Variants in STPG2 observed in about 807,000 individuals in gnomAD.
The protein encoded by STPG2 is sperm tail PG-rich repeat containing 2.
Under a neutral mutation model 54.2 loss-of-function variants are expected in STPG2, and 56 were observed. That is an observed-to-expected ratio of 1.03 (90% confidence interval 0.83 to 1.29). STPG2 has a LOEUF of 1.29. STPG2 is among the 50% of genes most tolerant of loss of function. The pLI, the probability that STPG2 is intolerant of heterozygous loss-of-function variation, is 0.00. For missense variants in STPG2, 596 were observed against 544.9 expected, an observed-to-expected ratio of 1.09 and a Z score of -0.93; for synonymous variants, 200 against 181.8, an observed-to-expected ratio of 1.10 and a Z score of -0.81.
At position 97,644,071 on chromosome 4, in the gene STPG2, G is replaced by A. The variant is rs188432099; in HGVS notation, c.1320+68628C>T. Among the ~76,000 whole-genome samples the A allele has an allele frequency of 3.3e-3, 504 of 152,004 alleles. 3 individuals carry two copies. The highest frequency in any genetic ancestry group is 0.011 in the African/African-American group (475 of 41,524). The stretch of plus-strand genomic sequence containing the variant: ...ACCTGCCACCTGTCCAGTGACTTAA[G>A]AGAATGAAATTTAAAGAGGGGGTGA... On this transcript the variant is annotated intron_variant, in intron 10 of 10. Coordinates refer to ENST00000295268, the MANE Select transcript of STPG2 (RefSeq NM_174952.3).
intron 5 of STPG2, among the ~76,000 whole-genome samples, chr4:98,056,171 C>CA (rs1230315820): frequency 3.3e-5 from 5 of 152,134 alleles, no homozygotes; most frequent in Non-Finnish European, 4.4e-5. Context: ...CAACAAGCCC[C>CA]ACCACCACCA....
Position 97,606,978 on chromosome 4 carries a change from T to C in STPG2, c.1321-47861A>G, listed in dbSNP as rs140449119. ...GAACTACAGTTATCTCCATTCTACA[T>C]GATAAAAGAATAGGAATAAAACTAA... is the stretch of plus-strand genomic sequence containing the variant. On this transcript the variant is annotated intron_variant, in intron 10 of 10. Transcript: ENST00000295268. Among the ~76,000 whole-genome samples the C allele has an allele frequency of 2.0e-4, 30 of 152,104 alleles. 1 individual carries two copies. In the East Asian group the frequency reaches 4.4e-3, roughly 23 times the overall value.
chr4:97,541,843 C>A (rs1471491993), intron 4 of STPG2, among the ~76,000 whole-genome samples: 2 of 152,088 alleles, frequency 1.3e-5, no homozygotes, highest in African/African-American at 4.8e-5. Flanking sequence ...TGATCTTTGA[C>A]AAATCTGACA....
At chr4:97,742,494 G>C (rs1725278394) in intron 9 of STPG2, among the ~76,000 whole-genome samples, 1 of 148,898 alleles carries the variant, frequency 6.7e-6, no homozygotes. Flanking sequence ...CAACCTAATT[G>C]TCCATCAATG....
chr4:97,959,411 A>G (rs948427507), intron 7 of STPG2, among the ~76,000 whole-genome samples: 2 of 152,070 alleles, frequency 1.3e-5, no homozygotes, highest in Non-Finnish European at 2.9e-5. Flanking sequence ...CAAAAGATAA[A>G]TGAAACAAAA....
In STPG2 at chr4:97,882,184, G is replaced by A. The variant is rs749598748; in HGVS notation, c.1045-41252C>T. Among the ~76,000 whole-genome samples the A allele has an allele frequency of 7.2e-5, 11 of 152,232 alleles. 1 individual carries two copies. Among genetic ancestry groups the A allele is most frequent in the Middle Eastern group, 6.8e-3 (2 of 294 alleles). On this transcript the variant is annotated intron_variant, in intron 8 of 10. Transcript: ENST00000295268. ...AGCTAGTGTAAGAATATGGAATGCC[G>A]GGGAACTGAAGATACAAAGAGAATT...
intron 3 of STPG2, among the ~76,000 whole-genome samples, chr4:98,115,805 C>T (rs1002354661): frequency 6.6e-6 from 1 of 151,902 alleles, no homozygotes; most frequent in African/African-American, 2.4e-5. Context: ...GCAGGAGAAA[C>T]AGAAGAAAAT....
At chr4:98,016,288 T>C (rs1229000343) in intron 5 of STPG2, among the ~76,000 whole-genome samples, 7 of 152,216 alleles carry the variant, frequency 4.6e-5, no homozygotes, top group African/African-American at 1.7e-4. Flanking sequence ...TTGAGCTTCA[T>C]GGATCTGGAT....
At chr4:97,861,244 T>C (rs564303533) in intron 8 of STPG2, among the ~76,000 whole-genome samples, 14 of 152,258 alleles carry the variant, frequency 9.2e-5, no homozygotes, top group African/African-American at 2.9e-4. Flanking sequence ...GAAAAAATGC[T>C]CAATATCACT....
intron 9 of STPG2, among the ~76,000 whole-genome samples, chr4:97,815,462 G>A (rs905030054): frequency 6.6e-5 from 10 of 151,994 alleles, no homozygotes; most frequent in Non-Finnish European, 1.5e-4. Context: ...TCAGCTTTCC[G>A]AATATTTTTC....
chr4:97,635,939 G>A (rs1176274720), intron 10 of STPG2, among the ~76,000 whole-genome samples: 1 of 150,102 alleles, frequency 6.7e-6, no homozygotes, highest in Non-Finnish European at 1.5e-5. Context: ...CAACGAGACA[G>A]AAAGTCAACA....
At chr4:97,970,852 C>T (rs1056309713) in intron 7 of STPG2, among the ~76,000 whole-genome samples, 1 of 152,190 alleles carries the variant, frequency 6.6e-6, no homozygotes, top group Non-Finnish European at 1.5e-5. Context: ...GCAAAAGAAA[C>T]TATCATCAGA....
intron 5 of STPG2, among the ~76,000 whole-genome samples, chr4:98,087,675 C>A (rs1738564477): frequency 6.6e-6 from 1 of 151,788 alleles, no homozygotes; most frequent in Admixed American, 6.6e-5. Flanking sequence ...ATTCTCCCGC[C>A]TCTGCCTCCC....
intron 10 of STPG2, among the ~76,000 whole-genome samples, chr4:97,690,463 G>C (rs1723329727): frequency 6.6e-6 from 1 of 151,778 alleles, no homozygotes; most frequent in Non-Finnish European, 1.5e-5. Context: ...CCAAGAGTAG[G>C]CAATAGGTCC....
At chr4:97,797,199 C>T (rs929188115) in intron 9 of STPG2, among the ~76,000 whole-genome samples, 4 of 152,192 alleles carry the variant, frequency 2.6e-5, no homozygotes. Context: ...TGCCTGATTG[C>T]CCTGGCCAGA....
At chr4:97,668,454 GAC>G (rs1252816751) in intron 10 of STPG2, among the ~76,000 whole-genome samples, 1 of 152,142 alleles carries the variant, frequency 6.6e-6, no homozygotes, top group Non-Finnish European at 1.5e-5. Context: ...AGATAACTGT[GAC>G]TGTCAGATGG....
At chr4:98,028,935 C>T (rs1578795961) in intron 5 of STPG2, among the ~76,000 whole-genome samples, 1 of 152,098 alleles carries the variant, frequency 6.6e-6, no homozygotes, top group Admixed American at 6.6e-5. Context: ...ATAATTTCCT[C>T]TTTCACCTAT....
At chr4:98,015,650 A>G (rs1407272900) in intron 5 of STPG2, among the ~76,000 whole-genome samples, 2 of 152,296 alleles carry the variant, frequency 1.3e-5, no homozygotes, top group African/African-American at 4.8e-5. Context: ...ACAGTGTGGC[A>G]ATTCCTCAAA....
At chr4:97,669,455 C>A (rs1446917603) in intron 10 of STPG2, among the ~76,000 whole-genome samples, 5 of 152,276 alleles carry the variant, frequency 3.3e-5, no homozygotes, top group African/African-American at 1.2e-4. Flanking sequence ...ACTTGCATCA[C>A]CACTGATGTT....
Sources: gnomAD v4.1 joint callset for allele counts (sites outside exome capture counted in the v4.1 genomes callset) on GRCh38, gnomAD v4.1.1 for gene constraint, MANE v1.5 for transcripts, NCBI Gene and HGNC (gene_info 2026-07-23, HGNC 2026-07-21) for gene names.